The following WDR33 variants were observed in gnomAD, a reference collection of about 807,000 sequenced individuals.
WDR33 encodes pre-mRNA 3' end processing protein WDR33.
WDR33 carries 47 observed loss-of-function variants against 164.9 expected under a neutral mutation model. That is an observed-to-expected ratio of 0.29 (90% CI 0.23 to 0.36). WDR33 has a LOEUF of 0.36. WDR33 is among the 10% of genes least tolerant of loss of function. The probability of loss-of-function intolerance (pLI) is 1.00; values close to 1 mark genes in which losing one functional copy is unlikely to be tolerated. For missense variants in WDR33, 1,137 were observed against 1,754.1 expected (o/e 0.65, Z 6.28); for synonymous variants, 505 against 589.0 (o/e 0.86, Z 2.06).
intron 1 of WDR33, among the ~76,000 whole-genome samples, chr2:127,793,361 A>G (rs1168365985): frequency 6.6e-6 from 1 of 151,594 alleles, no homozygotes; most frequent in Non-Finnish European, 1.5e-5. Flanking sequence ...AACCCGGGAG[A>G]AGGAGGTTGC....
At chr2:127,751,653 T>C (rs1265364814) in intron 7 of WDR33, among the ~76,000 whole-genome samples, 3 of 152,108 alleles carry the variant, frequency 2.0e-5, no homozygotes, top group Non-Finnish European at 4.4e-5. Flanking sequence ...ATTTAACTAT[T>C]GCAAAAAAAT....
Position 127,750,688 on chromosome 2 carries a change from ATATATATATATATATATATATATATG to A in WDR33, c.724+12348_724+12373del, listed in dbSNP as rs1241032045. Among the ~76,000 whole-genome samples the A allele has an allele frequency of 9.4e-4, 48 of 50,918 alleles. 3 individuals carry two copies. Among genetic ancestry groups the A allele is most frequent in the African/African-American group, 2.8e-3 (24 of 8,490 alleles). The allele number at this position is 50,918 out of a possible 152,430, so 33.4% of individuals were successfully genotyped here. On this transcript the variant is annotated intron_variant, in intron 7 of 21. Coordinates refer to ENST00000322313, the MANE Select transcript of WDR33 (RefSeq NM_018383.5). ...AAAAAAAAAAAAAAAATATATATAT[ATATATATATATATATATATATATATG>A]TATGTATGCATACATATATATGTAT...
At chr2:127,757,334 A>G (rs1687548877) in intron 7 of WDR33, among the ~76,000 whole-genome samples, 1 of 152,256 alleles carries the variant, frequency 6.6e-6, no homozygotes, top group African/African-American at 2.4e-5. Flanking sequence ...CATAAAATGA[A>G]TATTTCAGAA....
At position 127,720,133 on chromosome 2, in the gene WDR33, G is replaced by A. The variant is rs765088823; in HGVS notation, c.1892C>T (p.Pro631Leu). ...ACCTTGTGGTCCCATTTGTCCCTGGGGTCCAGGAGGCCTAAACTGTCCCTG... is the reference window on the plus strand; with the variant it reads ...ACCTTGTGGTCCCATTTGTCCCTGGAGTCCAGGAGGCCTAAACTGTCCCTG... ...GPQGQFRPPGPQGQMGPQGPP... is the reference protein window; with the variant it reads ...GPQGQFRPPGLQGQMGPQGPP... Residue 631 changes from proline to leucine, a missense_variant, in exon 16 of 22, where the codon CCC becomes CTC. By Grantham distance (98) the Pro-to-Leu change is moderately conservative. Transcript: ENST00000322313. This position sits in a 1 kb window ranked among gnomAD's most constrained non-coding sequence, Gnocchi z 5.9. 6.2e-7 allele frequency: 1 copy of A among 1,614,106 alleles called. No homozygotes were observed. Among genetic ancestry groups the A allele is most frequent in the Non-Finnish European group, 8.5e-7 (1 of 1,180,010 alleles).
chr2:127,737,372 T>G (rs941243427), intron 7 of WDR33: 1 of 985,366 alleles, frequency 1.0e-6, no homozygotes. Context: ...TATGTGTGTG[T>G]GTATGTTCGG....
rs925096165 is a variant in WDR33 at position 127,714,309 on chromosome 2, A to C, written c.2870-288T>G. On this transcript the variant is annotated intron_variant, in intron 17 of 21. Coordinates refer to ENST00000322313, the MANE Select transcript of WDR33 (RefSeq NM_018383.5). This position sits in a 1 kb window ranked among gnomAD's most constrained non-coding sequence, Gnocchi z 4.3. The stretch of plus-strand genomic sequence containing the variant: ...TTAGTATACACTGGAAAAATGAGAG[A>C]GCCTCCTGGGCTTCAGAAGGAGCTT... Among the ~76,000 whole-genome samples, 23 of 152,302 alleles carry C rather than the reference A, an allele frequency of 1.5e-4. No individual in the cohort carries two copies. Among genetic ancestry groups the C allele is most frequent in the African/African-American group, 5.1e-4 (21 of 41,572 alleles).
chr2:127,752,583 C>T (rs1033094022), intron 7 of WDR33, among the ~76,000 whole-genome samples: 25 of 120,414 alleles, frequency 2.1e-4, no homozygotes, highest in African/African-American at 8.1e-4. Flanking sequence ...GGCGACAGAG[C>T]GAGACTCCGT....
intron 1 of WDR33, among the ~76,000 whole-genome samples, chr2:127,780,996 G>A (rs1688350225): frequency 6.6e-6 from 1 of 152,064 alleles, no homozygotes; most frequent in Non-Finnish European, 1.5e-5. Context: ...AAGTAGCTGG[G>A]ACTACAAGCG....
intron 1 of WDR33, among the ~76,000 whole-genome samples, chr2:127,777,321 A>G (rs1688219361): frequency 6.6e-6 from 1 of 152,218 alleles, no homozygotes; most frequent in African/African-American, 2.4e-5. Context: ...CTAATTTCGC[A>G]GAACAGTAGT....
intron 7 of WDR33, among the ~76,000 whole-genome samples, chr2:127,744,714 C>G (rs1687117940): frequency 6.6e-6 from 1 of 152,102 alleles, no homozygotes; most frequent in Admixed American, 6.5e-5. Flanking sequence ...CTTAATCCCA[C>G]CCAATTCTTT....
intron 7 of WDR33, among the ~76,000 whole-genome samples, chr2:127,759,203 C>T (rs1262836076): frequency 6.6e-6 from 1 of 152,142 alleles, no homozygotes; most frequent in Non-Finnish European, 1.5e-5. Context: ...CATAGTGCTT[C>T]TCAATGCTGC....
At chr2:127,762,430 T>C (rs565781755) in intron 7 of WDR33, 57 of 842,806 alleles carry the variant, frequency 6.8e-5, no homozygotes, top group Non-Finnish European at 7.4e-5. Context: ...AGTCCCACTT[T>C]ATAAAGTCCA....
chr2:127,748,132 T>C (rs1203109950), intron 7 of WDR33, among the ~76,000 whole-genome samples: 13 of 152,214 alleles, frequency 8.5e-5, no homozygotes, highest in Non-Finnish European at 1.6e-4. Context: ...TACCCAATCA[T>C]AGAATTGCCT....
intron 1 of WDR33, among the ~76,000 whole-genome samples, chr2:127,787,160 G>C (rs1688609628): frequency 1.1e-5 from 1 of 90,706 alleles, no homozygotes; most frequent in Admixed American, 1.1e-4. Flanking sequence ...GTTTCAGAGA[G>C]CACAGGGTTG....
intron 1 of WDR33, among the ~76,000 whole-genome samples, chr2:127,780,037 G>A (rs1400520899): frequency 6.7e-6 from 1 of 149,060 alleles, no homozygotes; most frequent in Non-Finnish European, 1.5e-5. Context: ...GCAGTGGTGC[G>A]ATCTCGGCTC....
At position 127,770,074 on chromosome 2, in the gene WDR33, A is replaced by C. The variant is rs1238600470; in HGVS notation, c.204+704T>G. On this transcript the variant is annotated intron_variant, in intron 2 of 21. Transcript: ENST00000322313. This position sits in a 1 kb window ranked among gnomAD's most constrained non-coding sequence, Gnocchi z 4.9. ...GAAGTGGGAGAATCCATGTTCTCCAAGCCAGTGTCTCACAAAAATATTCCT... is the reference window on the plus strand; with the variant it reads ...GAAGTGGGAGAATCCATGTTCTCCACGCCAGTGTCTCACAAAAATATTCCT... Among the ~76,000 whole-genome samples, 1 of 152,228 alleles carries C rather than the reference A, an allele frequency of 6.6e-6. No homozygotes were observed. Among genetic ancestry groups the C allele is most frequent in the Non-Finnish European group, 1.5e-5 (1 of 68,042 alleles).
intron 7 of WDR33, chr2:127,737,388 T>C (rs550651044): frequency 2.0e-6 from 2 of 985,558 alleles, no homozygotes; most frequent in South Asian, 4.7e-5. Context: ...TTCGGGCACA[T>C]GTTATTCAAC....
At chr2:127,759,875 T>C (rs1687626270) in intron 7 of WDR33, among the ~76,000 whole-genome samples, 1 of 152,150 alleles carries the variant, frequency 6.6e-6, no homozygotes, top group African/African-American at 2.4e-5. Context: ...AGCCTGACTC[T>C]ATTTTTTTAA....
At chr2:127,749,443 C>T (rs1558935978) in intron 7 of WDR33, among the ~76,000 whole-genome samples, 1 of 152,058 alleles carries the variant, frequency 6.6e-6, no homozygotes, top group Non-Finnish European at 1.5e-5. Flanking sequence ...AGGTGGATCA[C>T]CCGAGGTCAG....
Sources: allele counts gnomAD v4.1 joint callset (sites outside exome capture counted in the v4.1 genomes callset), GRCh38; gene constraint gnomAD v4.1.1; non-coding constraint Gnocchi (gnomAD v3.1); transcripts MANE v1.5; gene names NCBI Gene and HGNC (gene_info 2026-07-23, HGNC 2026-07-21).